TBC1D5: variants seen among roughly 807,000 people sequenced by gnomAD.
TBC1D5 encodes TBC1 domain family member 5.
In TBC1D5, 75 loss-of-function variants were observed where a neutral mutation model predicts 100.3. The ratio of observed to expected loss-of-function variants is 0.75; its 90% confidence interval spans 0.62 to 0.91. The LOEUF is 0.91. TBC1D5 is among the 40% of genes least tolerant of loss of function. The probability of loss-of-function intolerance (pLI) is 0.00; values close to 1 mark genes in which losing one functional copy is unlikely to be tolerated. For synonymous variants in TBC1D5, 323 were observed against 325.6 expected, an observed-to-expected ratio of 0.99 and a Z score of 0.09; for missense variants, 910 against 942.4, an observed-to-expected ratio of 0.97 and a Z score of 0.45.
At chr3:17,219,812 T>A (rs146824873) in intron 17 of TBC1D5, among the ~76,000 whole-genome samples, 7 of 152,178 alleles carry the variant, frequency 4.6e-5, no homozygotes, top group African/African-American at 7.2e-5. Context: ...ATTCAGCCAG[T>A]TTTCCTTGAT....
At chr3:17,489,822 G>A (rs1438912243) in intron 3 of TBC1D5, among the ~76,000 whole-genome samples, 1 of 152,182 alleles carries the variant, frequency 6.6e-6, no homozygotes, top group Admixed American at 6.6e-5. Flanking sequence ...GAACATATGT[G>A]TGCATGTATC....
intron 1 of TBC1D5, among the ~76,000 whole-genome samples, chr3:17,645,078 T>C (rs951355605): frequency 1.3e-5 from 2 of 152,160 alleles, no homozygotes; most frequent in Non-Finnish European, 2.9e-5. Flanking sequence ...ACAAGGTACC[T>C]AATTTGTATC....
rs2077936668 is a variant in TBC1D5 at position 17,258,388 on chromosome 3, T to C, written c.1331+118A>G. 4.3e-6 allele frequency: 4 copies of C among 919,772 alleles called. No homozygotes were observed. In the African/African-American group the frequency reaches 5.1e-5, roughly 12 times the overall value. The allele number at this position is 919,772 out of a possible 1,614,324, so 57.0% of individuals were successfully genotyped here. On this transcript the variant is annotated intron_variant, in intron 16 of 21. Transcript: ENST00000253692. ...ACTTGGGTAATTTATTTAACAAAGATTCCTTATGTACATATGCTAAAATCT... is the reference window on the plus strand; with the variant it reads ...ACTTGGGTAATTTATTTAACAAAGACTCCTTATGTACATATGCTAAAATCT...
intron 2 of TBC1D5, among the ~76,000 whole-genome samples, chr3:17,544,588 T>C (rs1209890603): frequency 1.3e-5 from 2 of 149,194 alleles, no homozygotes; most frequent in East Asian, 4.0e-4. Flanking sequence ...GAGGCGGAGG[T>C]TGCAGTGAGC....
chr3:17,176,135 A>G (rs554695832), intron 19 of TBC1D5, among the ~76,000 whole-genome samples: 1 of 152,286 alleles, frequency 6.6e-6, no homozygotes, highest in Non-Finnish European at 1.5e-5. Flanking sequence ...GCTATTACCT[A>G]GCTGTGTAAC....
At chr3:17,605,227 A>T (rs550347272) in intron 2 of TBC1D5, among the ~76,000 whole-genome samples, 1 of 152,214 alleles carries the variant, frequency 6.6e-6, no homozygotes, top group African/African-American at 2.4e-5. Flanking sequence ...GTTTTTTTTT[A>T]AAGGAGTCAA....
intron 15 of TBC1D5, among the ~76,000 whole-genome samples, chr3:17,262,761 G>T (rs1446136563): frequency 6.6e-6 from 1 of 151,864 alleles, no homozygotes; most frequent in Non-Finnish European, 1.5e-5. Flanking sequence ...GATTACAGGC[G>T]TGAGCCACCA....
chr3:17,463,673 T>C (rs556700951), intron 3 of TBC1D5, among the ~76,000 whole-genome samples: 4 of 152,300 alleles, frequency 2.6e-5, no homozygotes, highest in African/African-American at 9.6e-5. Context: ...AATTTAATAT[T>C]GCCATATCAG....
intron 1 of TBC1D5, among the ~76,000 whole-genome samples, chr3:17,674,775 G>A (rs2068408175): frequency 6.6e-6 from 1 of 152,062 alleles, no homozygotes; most frequent in Non-Finnish European, 1.5e-5. Flanking sequence ...AATAAAAGAT[G>A]GAAGTTGGGG....
At chr3:17,253,816 G>A (rs2348004) in intron 16 of TBC1D5, among the ~76,000 whole-genome samples, 73,855 of 152,058 alleles carry the variant, frequency 0.49, 18,588 homozygotes, top group African/African-American at 0.6. Flanking sequence ...ATATCAGTAT[G>A]CTTAACCCTT....
At chr3:17,573,895 C>T (rs1041706291) in intron 2 of TBC1D5, among the ~76,000 whole-genome samples, 7 of 151,916 alleles carry the variant, frequency 4.6e-5, no homozygotes, top group African/African-American at 1.7e-4. Flanking sequence ...CTATAAACTA[C>T]AAGCTCCTAT....
At chr3:17,268,651 G>T (rs1240036209) in intron 15 of TBC1D5, among the ~76,000 whole-genome samples, 1 of 152,036 alleles carries the variant, frequency 6.6e-6, no homozygotes, top group East Asian at 1.9e-4. Context: ...AGTGTTATTA[G>T]TGACAATGTT....
chr3:17,272,008 C>T (rs1047468250), intron 15 of TBC1D5, among the ~76,000 whole-genome samples: 2 of 152,092 alleles, frequency 1.3e-5, no homozygotes, highest in Non-Finnish European at 2.9e-5. Flanking sequence ...ACACAGGGAA[C>T]CTCATCAGAA....
At chr3:17,704,948 G>A (rs1216963876) in intron 1 of TBC1D5, among the ~76,000 whole-genome samples, 2 of 105,772 alleles carry the variant, frequency 1.9e-5, no homozygotes, top group Admixed American at 8.5e-5. Flanking sequence ...AGTAGGGGCG[G>A]CTGGGCAGAG....
chr3:17,333,404 A>G (rs148836264), intron 13 of TBC1D5: 1 of 152,354 alleles, frequency 6.6e-6, no homozygotes, highest in East Asian at 1.9e-4. Flanking sequence ...TGGTTAATAA[A>G]ACTATAAGAT....
chr3:17,398,865 G>A (rs970423466), intron 8 of TBC1D5, among the ~76,000 whole-genome samples: 5 of 151,862 alleles, frequency 3.3e-5, no homozygotes, highest in African/African-American at 1.2e-4. Context: ...CTGACAGATG[G>A]ACCTAAATAA....
At chr3:17,609,503 T>C (rs1362766222) in intron 2 of TBC1D5, among the ~76,000 whole-genome samples, 1 of 152,208 alleles carries the variant, frequency 6.6e-6, no homozygotes, top group East Asian at 1.9e-4. Context: ...ACCTGACCTG[T>C]CAGCTTCTGA....
At chr3:17,642,135 CT>C (rs1374113161) in intron 1 of TBC1D5, among the ~76,000 whole-genome samples, 1 of 151,920 alleles carries the variant, frequency 6.6e-6, no homozygotes, top group African/African-American at 2.4e-5. Flanking sequence ...ATTTTTTATA[CT>C]TTTATTTTTC....
intron 13 of TBC1D5, among the ~76,000 whole-genome samples, chr3:17,317,896 T>C (rs1307719926): frequency 1.3e-5 from 2 of 152,112 alleles, no homozygotes; most frequent in Non-Finnish European, 2.9e-5. Context: ...CAAAGGATTA[T>C]AAATCATGCT....
Sources: allele counts gnomAD v4.1 joint callset (sites outside exome capture counted in the v4.1 genomes callset), GRCh38; gene constraint gnomAD v4.1.1; transcripts MANE v1.5; gene names NCBI Gene and HGNC (gene_info 2026-07-23, HGNC 2026-07-21).